The following PKNOX2 variants were observed in gnomAD, a reference collection of about 807,000 sequenced individuals.
PKNOX2 encodes homeobox protein PKNOX2.
Under a neutral mutation model 53.1 loss-of-function variants are expected in PKNOX2, and 14 were observed. The ratio of observed to expected loss-of-function variants is 0.26; its 90% CI spans 0.17 to 0.41. PKNOX2 has a LOEUF of 0.41. Among genes scored for constraint, PKNOX2 ranks in the 10% least tolerant of loss-of-function variants. PKNOX2 has a pLI of 1.00. For missense variants in PKNOX2, 496 were observed against 602.8 expected (o/e 0.82, Z 1.85); for synonymous variants, 257 against 242.8 (o/e 1.06, Z -0.54).
At chr11:125,216,368 G>A (rs1241169059) in intron 1 of PKNOX2, among the ~76,000 whole-genome samples, 1 of 152,190 alleles carries the variant, frequency 6.6e-6, no homozygotes, top group African/African-American at 2.4e-5. Flanking sequence ...GACAGTGTCA[G>A]ATGGGGTAAG....
At chr11:125,171,097 A>G (rs537644378) in intron 1 of PKNOX2, among the ~76,000 whole-genome samples, 4 of 152,250 alleles carry the variant, frequency 2.6e-5, no homozygotes, top group Admixed American at 6.5e-5. Flanking sequence ...TTTGTGTTCA[A>G]TTTACATCTC....
At position 125,422,361 on chromosome 11, in the gene PKNOX2, A is replaced by G. The variant is rs1055402380; in HGVS notation, c.937-6651A>G. Among the ~76,000 whole-genome samples, 2 of 152,262 alleles carry G rather than the reference A, an allele frequency of 1.3e-5. No individual in the cohort carries two copies. Among genetic ancestry groups the G allele is most frequent in the African/African-American group, 4.8e-5 (2 of 41,550 alleles). On this transcript the variant is annotated intron_variant, in intron 10 of 12. Coordinates refer to ENST00000298282, the MANE Select transcript of PKNOX2 (RefSeq NM_001382323.2). The surrounding 1 kb of genome is among the most constrained non-coding windows in gnomAD (Gnocchi z 4.1). The stretch of plus-strand genomic sequence containing the variant: ...TTGGTTACATTTCTCTCTTTGTCCC[A>G]GAGAAATCTTAGACCTCAGACTCCT...
At chr11:125,288,152 C>G (rs1482078951) in intron 2 of PKNOX2, 1 of 152,186 alleles carries the variant, frequency 6.6e-6, no homozygotes, top group African/African-American at 2.4e-5. Context: ...GCCACATGCC[C>G]AGGAACAGAA....
chr11:125,201,115 C>T (rs1219905424), intron 1 of PKNOX2, among the ~76,000 whole-genome samples: 1 of 152,192 alleles, frequency 6.6e-6, no homozygotes, highest in African/African-American at 2.4e-5. Context: ...TCTCCCAGGA[C>T]CTTGGTTTCC....
At chr11:125,416,228 G>A (rs1304441557) in intron 10 of PKNOX2, among the ~76,000 whole-genome samples, 20 of 146,876 alleles carry the variant, frequency 1.4e-4, no homozygotes, top group South Asian at 4.4e-4. Context: ...GCGTGAACCC[G>A]GGAGGCGGAG....
chr11:125,330,341 G>A (rs1565498523), intron 2 of PKNOX2: 1 of 152,276 alleles, frequency 6.6e-6, no homozygotes, highest in Non-Finnish European at 1.5e-5. Context: ...TGGAGGAGAA[G>A]CCTGGTGCCA....
At chr11:125,220,518 A>G (rs994994654) in intron 1 of PKNOX2, among the ~76,000 whole-genome samples, 2 of 152,240 alleles carry the variant, frequency 1.3e-5, no homozygotes, top group Admixed American at 1.3e-4. Flanking sequence ...GGCTCCAGAC[A>G]TGGGTACCTG....
At chr11:125,353,174 T>C (rs1414642871) in intron 4 of PKNOX2, among the ~76,000 whole-genome samples, 1 of 152,206 alleles carries the variant, frequency 6.6e-6, no homozygotes, top group Non-Finnish European at 1.5e-5. Flanking sequence ...GGAACAGAGA[T>C]GGAGACCCTT....
intron 1 of PKNOX2, among the ~76,000 whole-genome samples, chr11:125,212,630 G>A (rs758324666): frequency 6.6e-6 from 1 of 151,710 alleles, no homozygotes; most frequent in South Asian, 2.1e-4. Flanking sequence ...AACAGAGAGG[G>A]AAGAGAGGAG....
chr11:125,168,152 C>T (rs1040013502), intron 1 of PKNOX2, among the ~76,000 whole-genome samples: 29 of 152,278 alleles, frequency 1.9e-4, no homozygotes, highest in African/African-American at 6.3e-4. Context: ...GGCTTTGCCT[C>T]GCGTTTAGTA....
chr11:125,408,295 G>A (rs1955239614), intron 7 of PKNOX2, among the ~76,000 whole-genome samples: 1 of 152,238 alleles, frequency 6.6e-6, no homozygotes, highest in African/African-American at 2.4e-5. Context: ...GACTGCGACT[G>A]CAGGAACAGA....
intron 2 of PKNOX2, among the ~76,000 whole-genome samples, chr11:125,237,637 AATTCACAGAATG>A (rs896153311): frequency 1.1e-4 from 17 of 152,302 alleles, no homozygotes; most frequent in African/African-American, 4.1e-4. Context: ...ACTGTCCCTT[AATTCACAGAATG>A]TTTGAGTCGA....
chr11:125,167,457 G>A (rs988628616), intron 1 of PKNOX2, among the ~76,000 whole-genome samples: 2 of 152,170 alleles, frequency 1.3e-5, no homozygotes, highest in Admixed American at 6.5e-5. Context: ...GAGCCCGAGG[G>A]GGGAGGGAGC....
At chr11:125,321,970 C>T (rs1194214409) in intron 2 of PKNOX2, among the ~76,000 whole-genome samples, 1 of 152,132 alleles carries the variant, frequency 6.6e-6, no homozygotes. Flanking sequence ...GCCACCAATC[C>T]CATTGATGAG....
At chr11:125,198,841 C>CTTCTTCT (rs1555114172) in intron 1 of PKNOX2, among the ~76,000 whole-genome samples, 4 of 96,122 alleles carry the variant, frequency 4.2e-5, no homozygotes, top group Non-Finnish European at 9.9e-5. Context: ...TCTTCTTCTT[C>CTTCTTCT]TTTTTTTTTT....
chr11:125,410,741 C>T, intron 8 of PKNOX2, 38 bp from the exon 9 acceptor site: 2 of 1,530,774 alleles, frequency 1.3e-6, no homozygotes, highest in Middle Eastern at 1.7e-4. Context: ...CCTACCCACT[C>T]CCATGGCAGG....
rs372201456 is a variant in PKNOX2, at chr11:125,431,357, G to T, written c.1384G>T (p.Asp462Tyr). 6.2e-7 allele frequency: 1 copy of T among 1,612,620 alleles called. No homozygotes were observed. Among genetic ancestry groups the T allele is most frequent in the East Asian group, 2.2e-5 (1 of 44,804 alleles). ...VDELQTTNVS[D>Y]LGLEHSDSLE is the part of the protein sequence containing the mutation. Reference sequence around the variant, plus strand: ...CGAGCTGCAGACGACAAATGTCAGCGACCTGGGCTTGGAACACAGTGACTC... The same window carrying T: ...CGAGCTGCAGACGACAAATGTCAGCTACCTGGGCTTGGAACACAGTGACTC... The change falls in exon 13 of 13, where the codon GAC becomes TAC. Residue 462 changes from aspartate (D) to tyrosine (Y), a missense_variant. Transcript: ENST00000298282.
At chr11:125,362,841 C>T (rs1951996445) in intron 4 of PKNOX2, among the ~76,000 whole-genome samples, 1 of 152,232 alleles carries the variant, frequency 6.6e-6, no homozygotes. Context: ...ATCTCCTACT[C>T]ATTTTCATGA....
intron 2 of PKNOX2, chr11:125,277,709 G>A (rs1179692017): frequency 1.3e-5 from 2 of 152,208 alleles, no homozygotes; most frequent in East Asian, 1.9e-4. Context: ...CAATAGTACA[G>A]TAGGGAAATT....
Sources: gnomAD v4.1 joint callset for allele counts (sites outside exome capture counted in the v4.1 genomes callset) on GRCh38, gnomAD v4.1.1 for gene constraint, Gnocchi (gnomAD v3.1) non-coding constraint, MANE v1.5 for transcripts, NCBI Gene and HGNC (gene_info 2026-07-23, HGNC 2026-07-21) for gene names.